The following NKAIN2 variants were observed in gnomAD, a reference collection of about 807,000 sequenced individuals.
The protein encoded by NKAIN2 is sodium/potassium transporting ATPase interacting 2.
A neutral mutation model predicts 32.6 loss-of-function variants in NKAIN2; 14 were observed. That is an observed-to-expected ratio of 0.43 (90% CI 0.28 to 0.67). The LOEUF is 0.67. Ranked by LOEUF, NKAIN2 falls within the 30% of genes least tolerant of loss-of-function variation. The pLI, the probability that NKAIN2 is intolerant of heterozygous loss-of-function variation, is 0.17. For synonymous variants in NKAIN2, 80 were observed against 87.2 expected (o/e 0.92, Z 0.46); for missense variants, 198 against 258.3 (o/e 0.77, Z 1.60).
At chr6:124,409,553 C>A (rs1340768737) in intron 3 of NKAIN2, among the ~76,000 whole-genome samples, 1 of 152,170 alleles carries the variant, frequency 6.6e-6, no homozygotes, top group Non-Finnish European at 1.5e-5. Flanking sequence ...CCCACTTGAT[C>A]ATGGTGGATA....
At chr6:123,962,027 T>C (rs889983496) in intron 1 of NKAIN2, among the ~76,000 whole-genome samples, 1 of 152,194 alleles carries the variant, frequency 6.6e-6, no homozygotes, top group African/African-American at 2.4e-5. Flanking sequence ...TGTTATTTTG[T>C]CACTTTCTAT....
Position 124,823,207 on chromosome 6 carries a change from TTC to T in NKAIN2, c.618-4_618-3del, listed in dbSNP as rs1442717610. The T allele has an allele frequency of 2.5e-6, 4 of 1,581,862 alleles. No individual in the cohort carries two copies. Among genetic ancestry groups the T allele is most frequent in the South Asian group, 1.1e-5 (1 of 90,482 alleles). On this transcript the variant is annotated splice_polypyrimidine_tract_variant and intron_variant, in intron 6 of 6. Transcript: ENST00000368417. ...TTTCCCCCTTGACTAAAAACATCTT[TTC>T]TCTCTCTCAGGTCAAAATAATACAG...
chr6:124,414,289 A>G (rs1774360493), intron 3 of NKAIN2, among the ~76,000 whole-genome samples: 1 of 152,170 alleles, frequency 6.6e-6, no homozygotes, highest in Non-Finnish European at 1.5e-5. Context: ...TATTAAGATG[A>G]TCACATTTTA....
intron 1 of NKAIN2, among the ~76,000 whole-genome samples, chr6:124,002,058 G>A (rs1041171106): frequency 2.8e-4 from 43 of 151,874 alleles, no homozygotes; most frequent in African/African-American, 1.0e-3. Context: ...ATATGCTGAA[G>A]CAAATTCTAG....
chr6:124,778,561 T>A (rs1779087301), intron 4 of NKAIN2, among the ~76,000 whole-genome samples: 1 of 152,016 alleles, frequency 6.6e-6, no homozygotes, highest in Non-Finnish European at 1.5e-5. Context: ...TAAGAACTGA[T>A]GATCTGGATA....
chr6:123,909,869 A>G (rs532796930), intron 1 of NKAIN2, among the ~76,000 whole-genome samples: 9 of 152,312 alleles, frequency 5.9e-5, no homozygotes, highest in African/African-American at 1.9e-4. Flanking sequence ...TTGCACAGCA[A>G]TTAGCACGTA....
chr6:124,329,596 T>C (rs1054007024), intron 2 of NKAIN2, among the ~76,000 whole-genome samples: 3 of 151,004 alleles, frequency 2.0e-5, no homozygotes, highest in Non-Finnish European at 3.0e-5. Flanking sequence ...GCTCCACCCC[T>C]GGATCCACAC....
chr6:124,437,999 G>C (rs519362), intron 3 of NKAIN2: 5 of 392,074 alleles, frequency 1.3e-5, no homozygotes, highest in African/African-American at 4.3e-5. Flanking sequence ...GAGGCATGTG[G>C]ATATAGCAAG....
intron 1 of NKAIN2, among the ~76,000 whole-genome samples, chr6:123,968,418 G>A (rs533611830): frequency 6.6e-6 from 1 of 152,198 alleles, no homozygotes; most frequent in Non-Finnish European, 1.5e-5. Context: ...AGTAAAAGCA[G>A]GAGTATGCAT....
chr6:123,966,396 G>A (rs149121877), intron 1 of NKAIN2, among the ~76,000 whole-genome samples: 1,670 of 152,196 alleles, frequency 0.011, 10 homozygotes, highest in Non-Finnish European at 0.017. Flanking sequence ...CAGCACATAA[G>A]AGCCAATTGC....
At chr6:124,809,593 A>G (rs1780778906) in intron 5 of NKAIN2, among the ~76,000 whole-genome samples, 1 of 150,758 alleles carries the variant, frequency 6.6e-6, no homozygotes, top group Non-Finnish European at 1.5e-5. Context: ...CATGTCTAAA[A>G]CACCAAAAGC....
intron 1 of NKAIN2, among the ~76,000 whole-genome samples, chr6:123,826,093 G>A (rs570706380): frequency 1.3e-5 from 2 of 151,992 alleles, no homozygotes; most frequent in Admixed American, 6.6e-5. Context: ...GGTATTCTTC[G>A]GCCGGAAAAG....
intron 4 of NKAIN2, among the ~76,000 whole-genome samples, chr6:124,749,887 A>C (rs946825570): frequency 6.6e-6 from 1 of 151,682 alleles, no homozygotes; most frequent in Non-Finnish European, 1.5e-5. Context: ...ATACACCAAA[A>C]TACTTGCAAA....
chr6:124,076,211 A>G (rs536264354), intron 1 of NKAIN2, among the ~76,000 whole-genome samples: 12 of 152,178 alleles, frequency 7.9e-5, no homozygotes, highest in Non-Finnish European at 1.3e-4. Flanking sequence ...AGGAGATGAG[A>G]AGAGAATGAG....
chr6:123,867,295 AACAAGT>A (rs1168372920), intron 1 of NKAIN2, among the ~76,000 whole-genome samples: 1 of 152,230 alleles, frequency 6.6e-6, no homozygotes, highest in African/African-American at 2.4e-5. Context: ...TGCCATTAAG[AACAAGT>A]ACATGTTCCT....
intron 5 of NKAIN2, among the ~76,000 whole-genome samples, chr6:124,791,695 A>G (rs1779755805): frequency 6.6e-6 from 1 of 152,166 alleles, no homozygotes; most frequent in Non-Finnish European, 1.5e-5. Flanking sequence ...TTGGAGATGG[A>G]AATGATTTTA....
At chr6:123,913,913 A>G (rs1323011992) in intron 1 of NKAIN2, among the ~76,000 whole-genome samples, 1 of 152,158 alleles carries the variant, frequency 6.6e-6, no homozygotes, top group African/African-American at 2.4e-5. Context: ...GAGTTTACAA[A>G]ACATATAGTA....
chr6:124,727,325 C>G (rs1279772960), intron 4 of NKAIN2, among the ~76,000 whole-genome samples: 1 of 152,126 alleles, frequency 6.6e-6, no homozygotes, highest in Non-Finnish European at 1.5e-5. Flanking sequence ...GGGTTACCCT[C>G]AAAGGGAAGC....
intron 1 of NKAIN2, among the ~76,000 whole-genome samples, chr6:124,203,575 G>A (rs1383922621): frequency 6.6e-6 from 1 of 151,760 alleles, no homozygotes; most frequent in African/African-American, 2.4e-5. Flanking sequence ...AAATAAGCAT[G>A]CTGAGAGAGA....
Sources: allele counts gnomAD v4.1 joint callset (sites outside exome capture counted in the v4.1 genomes callset), GRCh38; gene constraint gnomAD v4.1.1; transcripts MANE v1.5; gene names NCBI Gene and HGNC (gene_info 2026-07-23, HGNC 2026-07-21).